The following KDM3B variants were observed in gnomAD, a reference collection of about 807,000 sequenced individuals.
KDM3B encodes the protein lysine demethylase 3B.
KDM3B carries 10 observed loss-of-function variants against 170.0 expected under a neutral mutation model. That is an observed-to-expected ratio of 0.06 (90% CI 0.04 to 0.10). The LOEUF (loss-of-function observed/expected upper bound fraction) is 0.10. KDM3B is among the 10% of genes least tolerant of loss of function. The pLI, the probability that KDM3B is intolerant of heterozygous loss-of-function variation, is 1.00. For synonymous variants in KDM3B, 831 were observed against 834.8 expected (o/e 1.00, Z 0.08); for missense variants, 1,394 against 2,195.2 (o/e 0.64, Z 7.29).
intron 1 of KDM3B, among the ~76,000 whole-genome samples, chr5:138,367,024 T>A (rs1249859798): frequency 6.6e-6 from 1 of 152,210 alleles, no homozygotes; most frequent in Non-Finnish European, 1.5e-5. Context: ...CTGGAAAGTC[T>A]TTCTTTCTGT....
In KDM3B at chr5:138,419,057, A is replaced by G. The variant is rs147145216; in HGVS notation, c.3540A>G (p.Lys1180=). Reference sequence around the variant, plus strand: ...CTCCAGAGCCGGACCATGTTCCCAAAGCCGACAGCACTGACATCAGATCTG... The same window carrying G: ...CTCCAGAGCCGGACCATGTTCCCAAGGCCGACAGCACTGACATCAGATCTG... ...VTTPEPDHVP[K]ADSTDIRSEE... is the part of the protein sequence containing the mutation. The change falls in exon 14 of 24, where the codon AAA becomes AAG. Residue 1180 remains lysine (K), a synonymous_variant. Transcript: ENST00000314358. The G allele has an allele frequency of 2.7e-5, 44 of 1,614,108 alleles. No individual in the cohort carries two copies. The highest frequency in any genetic ancestry group is 3.6e-5 in the Non-Finnish European group (42 of 1,180,046).
chr5:138,395,553 A>G (rs1762525551), intron 9 of KDM3B, among the ~76,000 whole-genome samples: 1 of 152,200 alleles, frequency 6.6e-6, no homozygotes, highest in South Asian at 2.1e-4. Context: ...ACTTGAGGCC[A>G]GCAGTTTGAG....
chr5:138,421,016 A>G (rs949857129), intron 15 of KDM3B, 54 bp downstream of exon 15: 1 of 1,596,490 alleles, frequency 6.3e-7, no homozygotes, highest in Non-Finnish European at 8.6e-7. Context: ...AAGAACCATC[A>G]GAGATCAGAT....
chr5:138,375,010 T>C (rs1761961604), intron 2 of KDM3B, 83 bp from the exon 3 acceptor site: 1 of 781,028 alleles, frequency 1.3e-6, no homozygotes, highest in African/African-American at 1.7e-5. Flanking sequence ...ATAATAATTA[T>C]TTCTTTGAAG....
intron 9 of KDM3B, among the ~76,000 whole-genome samples, chr5:138,395,849 C>A (rs1762533290): frequency 6.6e-6 from 1 of 152,000 alleles, no homozygotes; most frequent in African/African-American, 2.4e-5. Context: ...AACTCCTAAC[C>A]TGAGGTGATC....
At chr5:138,385,968 G>T in intron 6 of KDM3B, 54 bp from the exon 7 acceptor site, 1 of 1,540,742 alleles carries the variant, frequency 6.5e-7, no homozygotes, top group South Asian at 1.3e-5. Flanking sequence ...AATGGTGTGT[G>T]GTATTCACAG....
intron 10 of KDM3B, among the ~76,000 whole-genome samples, chr5:138,399,053 T>C (rs1053370189): frequency 6.6e-6 from 1 of 151,460 alleles, no homozygotes; most frequent in Admixed American, 6.6e-5. Flanking sequence ...CAAGCCCGGC[T>C]AATTTTTTGT....
At chr5:138,353,284 C>A (rs991673090) in intron 1 of KDM3B, among the ~76,000 whole-genome samples, 1 of 152,256 alleles carries the variant, frequency 6.6e-6, no homozygotes, top group African/African-American at 2.4e-5. Flanking sequence ...CCCCAACACG[C>A]CTTCGGAGCA....
chr5:138,360,572 CTTTTT>C (rs61340392), intron 1 of KDM3B, among the ~76,000 whole-genome samples: 1 of 102,036 alleles, frequency 9.8e-6, no homozygotes, highest in Non-Finnish European at 1.9e-5. Flanking sequence ...AGTTCTATTT[CTTTTT>C]TTTTTTTTTT....
chr5:138,427,462 A>G, intron 19 of KDM3B, 143 bp downstream of exon 19: 1 of 917,676 alleles, frequency 1.1e-6, no homozygotes, highest in Non-Finnish European at 1.6e-6. Context: ...GGTGGTCTTG[A>G]ATATGTTTGC....
chr5:138,399,406 CG>C, intron 10 of KDM3B, among the ~76,000 whole-genome samples: 1 of 151,666 alleles, frequency 6.6e-6, no homozygotes, highest in East Asian at 2.0e-4. Flanking sequence ...GGCTTGGTGG[CG>C]GGTGCCTGTA....
Position 138,424,081 on chromosome 5 carries a change from A to G in KDM3B, c.3979A>G (p.Lys1327Glu). Residue 1327 changes from lysine to glutamate, a missense_variant, in exon 16 of 24, where the codon AAG becomes GAG. By Grantham distance (56) the Lys-to-Glu change is moderately conservative. This residue lies in a region of KDM3B where 137 missense variants were observed against 166.9 expected (regional missense o/e 0.82). Coordinates refer to ENST00000314358, the MANE Select transcript of KDM3B (RefSeq NM_016604.4). ...PVFSTSSAGV[K>E]SKASLPNFLD... ...GTGGATTTGTGTCTGGCAGGGAGTG[A>G]AGAGCAAGGCCAGCCTACCCAACTT... The G allele has an allele frequency of 6.4e-7, 1 of 1,554,738 alleles. No homozygotes were observed. Among genetic ancestry groups the G allele is most frequent in the Non-Finnish European group, 8.7e-7 (1 of 1,147,038 alleles).
At position 138,414,105 on chromosome 5, in the gene KDM3B, C is replaced by G. The variant is rs565632685; in HGVS notation, c.3200-1027C>G. ...AAGCATTATGCCAAGTGAAAGAAAC[C>G]CAACACAAAGACTGCATCCTACATG... On this transcript the variant is annotated intron_variant, in intron 11 of 23. Transcript: ENST00000314358. Among the ~76,000 whole-genome samples the G allele has an allele frequency of 2.0e-5, 3 of 152,246 alleles. No individual in the cohort carries two copies. The South Asian group carries it at 6.2e-4, about 32-fold the overall frequency.
At chr5:138,353,077 T>TG in intron 1 of KDM3B, 90 bp downstream of exon 1, 1 of 225,854 alleles carries the variant, frequency 4.4e-6, no homozygotes, top group Non-Finnish European at 6.9e-6. Flanking sequence ...GGCGGTGGGA[T>TG]GGGGGTGACC....
rs748107668 is a variant in KDM3B at position 138,415,253 on chromosome 5, T to C, written c.3307+14T>C. Reference sequence around the variant, plus strand: ...TTCCTGGCACAGGTAAGGAAATTCCTTTTTTAGATTTGGTGGAAGAAATGT... The same window carrying C: ...TTCCTGGCACAGGTAAGGAAATTCCCTTTTTAGATTTGGTGGAAGAAATGT... On this transcript the variant is annotated intron_variant, in intron 12 of 23. Transcript: ENST00000314358. The C allele has an allele frequency of 1.8e-5, 27 of 1,541,166 alleles. No individual in the cohort carries two copies. The highest frequency in any genetic ancestry group is 2.1e-5 in the Non-Finnish European group (23 of 1,120,114).
intron 1 of KDM3B, among the ~76,000 whole-genome samples, chr5:138,360,519 AGATTGT>A (rs1179673212): frequency 1.1e-5 from 1 of 91,936 alleles, no homozygotes; most frequent in African/African-American, 3.4e-5. Context: ...TTTTAAAAAA[AGATTGT>A]GTGTGTGTGT....
chr5:138,408,398 A>AC (rs1561784014), intron 11 of KDM3B, among the ~76,000 whole-genome samples: 1 of 151,142 alleles, frequency 6.6e-6, no homozygotes, highest in Non-Finnish European at 1.5e-5. Context: ...TTAAAAAAAA[A>AC]AAAAAGAAAG....
intron 6 of KDM3B, among the ~76,000 whole-genome samples, chr5:138,383,612 A>G (rs1277520870): frequency 1.3e-5 from 2 of 152,212 alleles, no homozygotes; most frequent in Non-Finnish European, 2.9e-5. Context: ...GGGTGAATGA[A>G]CAAGAAAGAA....
At chr5:138,426,631 C>T (rs1203391657) in intron 17 of KDM3B, 2 of 231,538 alleles carry the variant, frequency 8.6e-6, no homozygotes, top group Non-Finnish European at 1.8e-5. Context: ...TGCCTTACGC[C>T]TGTAATCCCA....
Sources: allele counts gnomAD v4.1 joint callset (sites outside exome capture counted in the v4.1 genomes callset), GRCh38; gene constraint gnomAD v4.1.1; regional missense constraint gnomAD v4.1.1; transcripts MANE v1.5; gene names NCBI Gene and HGNC (gene_info 2026-07-23, HGNC 2026-07-21).